The following ABCG8 variants were observed in gnomAD, a reference collection of about 807,000 sequenced individuals.
ABCG8 encodes ATP-binding cassette sub-family G member 8.
In ABCG8, 81 loss-of-function variants were observed where a neutral mutation model predicts 71.3. The observed-to-expected ratio is 1.14, with a 90% CI of 0.95 to 1.37. The LOEUF (loss-of-function observed/expected upper bound fraction) is 1.37. ABCG8 is among the 40% of genes most tolerant of loss of function. The pLI, the probability that ABCG8 is intolerant of heterozygous loss-of-function variation, is 0.00. For missense variants in ABCG8, 1,119 were observed against 866.2 expected (o/e 1.29, Z -3.66); for synonymous variants, 451 against 354.7 (o/e 1.27, Z -3.05).
In ABCG8 at chr2:43,852,587, T is replaced by C. The variant is rs1410389266; in HGVS notation, c.695-12T>C. 1.2e-6 allele frequency: 2 copies of C among 1,613,970 alleles called. No individual in the cohort carries two copies. Among genetic ancestry groups the C allele is most frequent in the Non-Finnish European group, 8.5e-7 (1 of 1,180,006 alleles). On this transcript the variant is annotated splice_polypyrimidine_tract_variant and intron_variant, in intron 5 of 12. Coordinates refer to ENST00000272286, the MANE Select transcript of ABCG8 (RefSeq NM_022437.3). ...CCCACCGACTCACCAGGCTCCTCTC[T>C]GTGTTGGAAAGGAATCCTTATTCTC...
In ABCG8 at chr2:43,848,882, C is replaced by T. The variant is rs191915914; in HGVS notation, c.322+2571C>T. Among the ~76,000 whole-genome samples, 318 of 151,800 alleles carry T rather than the reference C, an allele frequency of 2.1e-3. 2 individuals carry two copies. The highest frequency in any genetic ancestry group is 7.1e-3 in the African/African-American group (295 of 41,422). ...AAAAAAATACAAAAAATTAGCTGGGCGTGGTGGCACGTGCCTGTAATCCCA... is the reference window on the plus strand; with the variant it reads ...AAAAAAATACAAAAAATTAGCTGGGTGTGGTGGCACGTGCCTGTAATCCCA... On this transcript the variant is annotated intron_variant, in intron 3 of 12. Coordinates refer to ENST00000272286, the MANE Select transcript of ABCG8 (RefSeq NM_022437.3).
rs1380557655 is a variant in ABCG8, at chr2:43,879,658, T to G, written c.*1745T>G. On this transcript the variant is annotated 3_prime_UTR_variant, in exon 13 of 13. Transcript: ENST00000272286. ...AGGGGATCTAGACCAGAATCAAGCC[T>G]TGGATCTAGTTCTCAAGTCTCTTTT... 9 of 152,234 alleles carry G rather than the reference T, an allele frequency of 5.9e-5. No homozygotes were observed. Among genetic ancestry groups the G allele is most frequent in the Non-Finnish European group, 1.2e-4 (8 of 68,042 alleles). 9.4% of individuals were successfully genotyped at this position (152,234 alleles called of 1,614,324 possible).
intron 6 of ABCG8, among the ~76,000 whole-genome samples, chr2:43,858,026 A>C (rs1390122087): frequency 6.7e-6 from 1 of 149,836 alleles, no homozygotes; most frequent in Non-Finnish European, 1.5e-5. Flanking sequence ...CTCTCAATAT[A>C]TATCTGGATA....
Position 43,874,288 on chromosome 2 carries a change from A to G in ABCG8, c.1412-119A>G, listed in dbSNP as rs1279283787. On this transcript the variant is annotated intron_variant, in intron 9 of 12. Coordinates refer to ENST00000272286, the MANE Select transcript of ABCG8 (RefSeq NM_022437.3). Reference sequence around the variant, plus strand: ...TTTACTGTGCCTATTTAAAAAAAAAAATTAGAGACTTGGGCAATATGATAA... The same window carrying G: ...TTTACTGTGCCTATTTAAAAAAAAAGATTAGAGACTTGGGCAATATGATAA... The G allele has an allele frequency of 8.2e-6, 8 of 976,720 alleles. No individual in the cohort carries two copies. In the East Asian group the frequency reaches 1.9e-4, roughly 23 times the overall value. 60.5% of individuals were successfully genotyped at this position (976,720 alleles called of 1,614,324 possible).
intron 6 of ABCG8, among the ~76,000 whole-genome samples, chr2:43,865,908 G>A (rs551166026): frequency 6.6e-6 from 1 of 152,008 alleles, no homozygotes; most frequent in South Asian, 2.1e-4. Flanking sequence ...TCACTCTGTG[G>A]ATAGAACTCT....
intron 3 of ABCG8, chr2:43,847,006 A>ACACACACACACG (rs1668766539): frequency 7.8e-5 from 12 of 154,054 alleles, no homozygotes; most frequent in African/African-American, 2.9e-4. Flanking sequence ...ACACACACAC[A>ACACACACACACG]CACACACACA....
At position 43,875,238 on chromosome 2, in the gene ABCG8, C is replaced by T. The variant is rs1487979598; in HGVS notation, c.1581C>T (p.Pro527=). Residue 527 remains proline (P), a synonymous_variant, in exon 11 of 13, where the codon CCC becomes CCT. Coordinates refer to ENST00000272286, the MANE Select transcript of ABCG8 (RefSeq NM_022437.3). The stretch of plus-strand genomic sequence containing the variant: ...CCAACCTGAGGCCAGGCCTCCAGCC[C>T]TTCCTGCTGCACTTCCTGCTGGTGT... ...WLANLRPGLQ[P]FLLHFLLVWL... 1 of 1,614,144 alleles carries T rather than the reference C, an allele frequency of 6.2e-7. No individual in the cohort carries two copies. The highest frequency in any genetic ancestry group is 2.2e-5 in the East Asian group (1 of 44,896).
intron 11 of ABCG8, among the ~76,000 whole-genome samples, chr2:43,876,853 GGAATATGGGGAGATTGTGC>G (rs1228650674): frequency 2.1e-5 from 3 of 144,352 alleles, no homozygotes; most frequent in Non-Finnish European, 4.5e-5. Context: ...GGAGATCGTC[GGAATATGGGGAGATTGTGC>G]GAATATGGGG....
rs72798837 is a variant in ABCG8, at chr2:43,871,687, G to C, written c.965-289G>C. Among the ~76,000 whole-genome samples the C allele has an allele frequency of 4.1e-3, 622 of 152,318 alleles. 5 individuals carry two copies. Among genetic ancestry groups the C allele is most frequent in the African/African-American group, 0.014 (587 of 41,564 alleles). On this transcript the variant is annotated intron_variant, in intron 6 of 12. Coordinates refer to ENST00000272286, the MANE Select transcript of ABCG8 (RefSeq NM_022437.3). The stretch of plus-strand genomic sequence containing the variant: ...CCTAAGATGTCCTCAAAATGAGCCT[G>C]GGTAGTGGGACTTGGGCGGGGCCTC...
At position 43,876,618 on chromosome 2, in the gene ABCG8, TGTGAGAATATGGGGAGACC is replaced by T. The variant is rs567761437; in HGVS notation, c.1757-924_1757-906del. On this transcript the variant is annotated intron_variant, in intron 11 of 12. Transcript: ENST00000272286. ...GAGATCACATGAATATGCAGGAGAC[TGTGAGAATATGGGGAGACC>T]GTGAGAATATGGGGAGACTGTGGGA... is the stretch of plus-strand genomic sequence containing the variant. Among the ~76,000 whole-genome samples, 873 of 143,410 alleles carry T rather than the reference TGTGAGAATATGGGGAGACC, an allele frequency of 6.1e-3. 9 individuals carry two copies. Among genetic ancestry groups the T allele is most frequent in the African/African-American group, 0.022 (822 of 38,190 alleles). The allele number at this position is 143,410 out of a possible 152,430, so 94.1% of individuals were successfully genotyped here.
Position 43,875,256 on chromosome 2 carries a change from G to T in ABCG8, c.1599G>T (p.Leu533=), listed in dbSNP as rs1019461053. The T allele has an allele frequency of 1.6e-5, 26 of 1,614,122 alleles. No homozygotes were observed. The highest frequency in any genetic ancestry group is 2.1e-5 in the Non-Finnish European group (25 of 1,180,048). The change falls in exon 11 of 13, where the codon CTG becomes CTT. Residue 533 remains leucine, a synonymous_variant. Coordinates refer to ENST00000272286, the MANE Select transcript of ABCG8 (RefSeq NM_022437.3). ...PGLQPFLLHF[L]LVWLVVFCCR... is the part of the protein sequence containing the mutation. Reference sequence around the variant, plus strand: ...TCCAGCCCTTCCTGCTGCACTTCCTGCTGGTGTGGCTGGTGGTCTTCTGTT... The same window carrying T: ...TCCAGCCCTTCCTGCTGCACTTCCTTCTGGTGTGGCTGGTGGTCTTCTGTT...
chr2:43,878,999 C>G lies in ABCG8; in HGVS notation c.*1086C>G, dbSNP rs1000533856. 1 of 152,302 alleles carries G rather than the reference C, an allele frequency of 6.6e-6. No homozygotes were observed. The highest frequency in any genetic ancestry group is 1.5e-5 in the Non-Finnish European group (1 of 68,102). 9.4% of individuals were successfully genotyped at this position (152,302 alleles called of 1,614,324 possible). On this transcript the variant is annotated 3_prime_UTR_variant, in exon 13 of 13. Transcript: ENST00000272286. ...TGTGAAGAGGAGCCTTCCACCACGA[C>G]TGCAAGTTTCCTGAGGCTGCCCCAG...
At chr2:43,843,647 C>A (rs553106437) in intron 1 of ABCG8, among the ~76,000 whole-genome samples, 85 of 152,142 alleles carry the variant, frequency 5.6e-4, no homozygotes, top group Non-Finnish European at 1.1e-3. Flanking sequence ...GAGCGAGACC[C>A]AATCCAAAGA....
chr2:43,848,175 T>C (rs942232778), intron 3 of ABCG8: 1 of 152,070 alleles, frequency 6.6e-6, no homozygotes. Flanking sequence ...GACAAATAAA[T>C]AGTAGAGTTG....
intron 6 of ABCG8, among the ~76,000 whole-genome samples, chr2:43,870,644 G>T (rs2104943368): frequency 6.6e-6 from 1 of 151,910 alleles, no homozygotes; most frequent in East Asian, 2.0e-4. Flanking sequence ...TGTGTGGATA[G>T]AATTCTCACC....
chr2:43,859,213 A>T (rs996209234), intron 6 of ABCG8, among the ~76,000 whole-genome samples: 17 of 151,220 alleles, frequency 1.1e-4, no homozygotes, highest in African/African-American at 4.1e-4. Flanking sequence ...CTCCCTCTGG[A>T]TACAACTCTC....
intron 1 of ABCG8, among the ~76,000 whole-genome samples, chr2:43,844,159 A>G (rs538443367): frequency 3.9e-5 from 6 of 152,298 alleles, no homozygotes; most frequent in African/African-American, 1.4e-4. Flanking sequence ...AGGTCTTCTC[A>G]GAGCACAGAG....
intron 3 of ABCG8, 65 bp from the exon 4 acceptor site, chr2:43,851,519 C>T: frequency 3.9e-6 from 6 of 1,552,848 alleles, no homozygotes; most frequent in Non-Finnish European, 4.4e-6. Flanking sequence ...GTATGGGGAG[C>T]AGTGGCTGAC....
At chr2:43,849,182 TG>T (rs762245889) in intron 3 of ABCG8, among the ~76,000 whole-genome samples, 4 of 152,084 alleles carry the variant, frequency 2.6e-5, no homozygotes, top group Non-Finnish European at 5.9e-5. Flanking sequence ...TGCCAGTGGG[TG>T]TTTTGTCTTA....
Sources: gnomAD v4.1 joint callset for allele counts (sites outside exome capture counted in the v4.1 genomes callset) on GRCh38, gnomAD v4.1.1 for gene constraint, MANE v1.5 for transcripts, NCBI Gene and HGNC (gene_info 2026-07-23, HGNC 2026-07-21) for gene names.